Variants in ASTN1 observed in about 807,000 individuals in gnomAD.
ASTN1 encodes the protein astrotactin-1.
In ASTN1, 41 loss-of-function variants were observed where a neutral mutation model predicts 140.7. The ratio of observed to expected loss-of-function variants is 0.29; its 90% CI spans 0.23 to 0.38. ASTN1 has a LOEUF of 0.38. Among genes scored for constraint, ASTN1 ranks in the 10% least tolerant of loss-of-function variants. The pLI is 1.00. For missense variants in ASTN1, 1,479 were observed against 1,678.8 expected, an observed-to-expected ratio of 0.88 and a Z score of 2.08; for synonymous variants, 640 against 652.2, an observed-to-expected ratio of 0.98 and a Z score of 0.29.
At chr1:176,931,862 C>G (rs1439012929) in intron 16 of ASTN1, among the ~76,000 whole-genome samples, 1 of 152,206 alleles carries the variant, frequency 6.6e-6, no homozygotes. Flanking sequence ...AGAACCTACT[C>G]ATGAGAATTC....
At chr1:177,115,853 A>G (rs1681061828) in intron 1 of ASTN1, among the ~76,000 whole-genome samples, 1 of 151,782 alleles carries the variant, frequency 6.6e-6, no homozygotes, top group African/African-American at 2.4e-5. Context: ...CTCTATGCCG[A>G]TGTATCTACA....
intron 1 of ASTN1, among the ~76,000 whole-genome samples, chr1:177,149,375 A>G (rs184796459): frequency 0.036 from 2,694 of 75,194 alleles, 157 homozygotes; most frequent in Non-Finnish European, 0.045. Context: ...TATATAGTAT[A>G]TATAGTAAAT....
At chr1:177,120,629 C>A (rs1043642994) in intron 1 of ASTN1, among the ~76,000 whole-genome samples, 5 of 152,124 alleles carry the variant, frequency 3.3e-5, no homozygotes, top group Admixed American at 3.3e-4. Context: ...CAAGGAGGGC[C>A]CTCCATTGCA....
At chr1:176,876,346 G>A (rs566170304) in intron 21 of ASTN1, among the ~76,000 whole-genome samples, 191 bp downstream of exon 21, 15 of 152,222 alleles carry the variant, frequency 9.9e-5, no homozygotes, top group East Asian at 1.9e-4. Flanking sequence ...AATGCAATAC[G>A]ATGAGGACTT....
intron 1 of ASTN1, among the ~76,000 whole-genome samples, chr1:177,077,141 C>T (rs775592749): frequency 2.0e-5 from 3 of 152,050 alleles, no homozygotes; most frequent in African/African-American, 4.8e-5. Context: ...TTCTGCATGC[C>T]GCGTTCACTT....
intron 1 of ASTN1, among the ~76,000 whole-genome samples, chr1:177,142,727 G>A (rs1160891012): frequency 6.6e-6 from 1 of 152,084 alleles, no homozygotes; most frequent in Admixed American, 6.5e-5. Context: ...ATCCTGTACC[G>A]AAAAACACTT....
At chr1:176,947,207 AAG>A (rs769842790) in intron 12 of ASTN1, among the ~76,000 whole-genome samples, 2 of 152,202 alleles carry the variant, frequency 1.3e-5, no homozygotes, top group Non-Finnish European at 2.9e-5. Flanking sequence ...AATGGGAAAA[AAG>A]TAGCTGCTTC....
Position 177,152,876 on chromosome 1 carries a change from A to G in ASTN1, c.283+11518T>C, listed in dbSNP as rs140273754. 5.6e-3 allele frequency among the ~76,000 whole-genome samples: 853 copies of G among 152,340 alleles called. 11 individuals are homozygous for G. Among genetic ancestry groups the G allele is most frequent in the African/African-American group, 0.019 (802 of 41,588 alleles). On this transcript the variant is annotated intron_variant, in intron 1 of 22. Coordinates refer to ENST00000361833, the MANE Select transcript of ASTN1 (RefSeq NM_004319.3). The stretch of plus-strand genomic sequence containing the variant: ...CACAATATGGTATAGGCACATGAAT[A>G]TATAGACATAGTAATAGAACAGAAT...
intron 2 of ASTN1, among the ~76,000 whole-genome samples, chr1:177,056,070 C>T (rs527641105): frequency 6.6e-6 from 1 of 152,258 alleles, no homozygotes; most frequent in South Asian, 2.1e-4. Flanking sequence ...GATGCTCAGG[C>T]AACTGGACTG....
chr1:176,910,379 A>C (rs897214226), intron 16 of ASTN1, among the ~76,000 whole-genome samples: 1 of 152,184 alleles, frequency 6.6e-6, no homozygotes, highest in Admixed American at 6.5e-5. Context: ...CAGCAGTGAA[A>C]AGTCAGAAGA....
At chr1:176,917,467 G>A (rs1670535922) in intron 16 of ASTN1, among the ~76,000 whole-genome samples, 1 of 152,178 alleles carries the variant, frequency 6.6e-6, no homozygotes, top group African/African-American at 2.4e-5. Flanking sequence ...GGGAAGACGT[G>A]CTTATCCTGG....
At chr1:176,896,171 G>A (rs1669496890) in intron 16 of ASTN1, among the ~76,000 whole-genome samples, 1 of 152,156 alleles carries the variant, frequency 6.6e-6, no homozygotes, top group Non-Finnish European at 1.5e-5. Context: ...AGGCATTTCA[G>A]CATTGTTGTT....
intron 2 of ASTN1, among the ~76,000 whole-genome samples, chr1:177,039,864 A>T (rs1176559086): frequency 6.6e-6 from 1 of 152,216 alleles, no homozygotes; most frequent in Non-Finnish European, 1.5e-5. Flanking sequence ...CACAAACCAC[A>T]GACCAAGGAG....
At chr1:176,954,848 T>C (rs1672333828) in intron 11 of ASTN1, among the ~76,000 whole-genome samples, 1 of 152,216 alleles carries the variant, frequency 6.6e-6, no homozygotes, top group Non-Finnish European at 1.5e-5. Flanking sequence ...TTCACAGATA[T>C]TTGTTTCCTG....
At chr1:176,964,350 G>T (rs1380994730) in intron 9 of ASTN1, among the ~76,000 whole-genome samples, 1 of 152,174 alleles carries the variant, frequency 6.6e-6, no homozygotes, top group Non-Finnish European at 1.5e-5. Flanking sequence ...ACTTACTCAA[G>T]GAGGGACATG....
Position 176,888,166 on chromosome 1 carries a change from T to A in ASTN1, c.2979A>T (p.Ser993=), listed in dbSNP as rs200763772. 1 of 1,614,094 alleles carries A rather than the reference T, an allele frequency of 6.2e-7. No homozygotes were observed. Among genetic ancestry groups the A allele is most frequent in the African/African-American group, 1.3e-5 (1 of 75,048 alleles). Residue 993 remains serine (S), a synonymous_variant, in exon 18 of 23, where the codon TCA becomes TCT. Transcript: ENST00000361833. ...QEATMSSLWC[S]GTGDVIEDWC... ...AGTCCTCGATGACATCTCCAGTCCC[T>A]GAGCACCAGAGAGAGCTCATGGTAG...
chr1:176,969,194 C>G (rs1673025020), intron 8 of ASTN1, among the ~76,000 whole-genome samples: 2 of 152,134 alleles, frequency 1.3e-5, no homozygotes, highest in South Asian at 4.1e-4. Flanking sequence ...ATCTTGTACC[C>G]AGGTTTAAAT....
chr1:176,907,103 A>G (rs551535564), intron 16 of ASTN1, among the ~76,000 whole-genome samples: 1 of 152,268 alleles, frequency 6.6e-6, no homozygotes, highest in Non-Finnish European at 1.5e-5. Context: ...TCCTTTTAAC[A>G]GGCAAATGTT....
At chr1:177,129,395 A>G (rs1322978500) in intron 1 of ASTN1, among the ~76,000 whole-genome samples, 1 of 152,192 alleles carries the variant, frequency 6.6e-6, no homozygotes, top group Non-Finnish European at 1.5e-5. Context: ...GGCAGCTTGT[A>G]GGTCGCAAGG....
Sources: gnomAD v4.1 joint callset for allele counts (sites outside exome capture counted in the v4.1 genomes callset) on GRCh38, gnomAD v4.1.1 for gene constraint, MANE v1.5 for transcripts, NCBI Gene and HGNC (gene_info 2026-07-23, HGNC 2026-07-21) for gene names.